TUBGCP3: variants seen among roughly 807,000 people sequenced by gnomAD.
TUBGCP3 encodes gamma-tubulin complex component 3.
Under a neutral mutation model 123.1 loss-of-function variants are expected in TUBGCP3, and 50 were observed. The ratio of observed to expected loss-of-function variants is 0.41; its 90% CI spans 0.32 to 0.51. The LOEUF is 0.51. Ranked by LOEUF, TUBGCP3 falls within the 20% of genes least tolerant of loss-of-function variation. The pLI is 0.36. For synonymous variants in TUBGCP3, 405 were observed against 413.9 expected, an observed-to-expected ratio of 0.98 and a Z score of 0.26; for missense variants, 882 against 1,127.0, an observed-to-expected ratio of 0.78 and a Z score of 3.11.
Position 112,558,347 on chromosome 13 carries a change from A to G in TUBGCP3, c.397T>C (p.Tyr133His), listed in dbSNP as rs1371443823. The G allele has an allele frequency of 4.3e-6, 7 of 1,612,124 alleles. No individual in the cohort carries two copies. Among genetic ancestry groups the G allele is most frequent in the Non-Finnish European group, 5.9e-6 (7 of 1,178,326 alleles). The change falls in exon 5 of 22, where the codon TAT (tyrosine) becomes CAT (histidine). Residue 133 changes from tyrosine (Y) to histidine (H), a missense_variant. Tyr to His is a moderately conservative substitution (Grantham distance 83). This residue lies in a region of TUBGCP3 where 713 missense variants were observed against 874.0 expected (regional missense o/e 0.82). Transcript: ENST00000261965. ...PRDAHSTPYY[Y>H]ARPQTLPLSY... ...AGGGGAAGGGTCTGAGGCCTGGCAT[A>G]GTAGTAAGGGGTTGAGTGGGCATCT...
chr13:112,600,780 C>T, the TUBGCP3 span, among the ~76,000 whole-genome samples: 14 of 152,250 alleles, frequency 9.2e-5, no homozygotes, highest in African/African-American at 2.9e-4. Context: ...GAATCATTTT[C>T]GCCTATATTC....
chr13:112,542,167 A>G (rs147865639), intron 11 of TUBGCP3, among the ~76,000 whole-genome samples: 1 of 152,348 alleles, frequency 6.6e-6, no homozygotes, highest in Non-Finnish European at 1.5e-5. Flanking sequence ...TTCTGAAAAT[A>G]AAACATTGAT....
intron 11 of TUBGCP3, among the ~76,000 whole-genome samples, chr13:112,533,037 G>C (rs950366707): frequency 1.3e-5 from 2 of 152,190 alleles, no homozygotes; most frequent in African/African-American, 4.8e-5. Context: ...GAGGCAGCTG[G>C]GCAGAGAGGC....
intron 8 of TUBGCP3, among the ~76,000 whole-genome samples, chr13:112,550,682 T>C (rs1221484609): frequency 3.3e-5 from 5 of 152,220 alleles, no homozygotes; most frequent in Non-Finnish European, 5.9e-5. Context: ...TTTTCTTAGG[T>C]AATATTTACA....
At chr13:112,598,724 C>G in the TUBGCP3 span, among the ~76,000 whole-genome samples, 2 of 151,970 alleles carry the variant, frequency 1.3e-5, no homozygotes, top group Admixed American at 6.6e-5. Context: ...GTGGGCGGAT[C>G]GTGAGGTCAG....
At chr13:112,525,935 T>C (rs988264897) in intron 13 of TUBGCP3, among the ~76,000 whole-genome samples, 1 of 152,206 alleles carries the variant, frequency 6.6e-6, no homozygotes, top group Admixed American at 6.5e-5. Flanking sequence ...ACTATATATA[T>C]ACATACATAA....
chr13:112,487,364 T>G (rs1879755249), intron 21 of TUBGCP3, among the ~76,000 whole-genome samples: 2 of 152,200 alleles, frequency 1.3e-5, no homozygotes, highest in Admixed American at 6.5e-5. Flanking sequence ...GAAAAGAATC[T>G]TCTTTGTAAA....
upstream of TUBGCP3, among the ~76,000 whole-genome samples, chr13:112,591,553 G>A (rs904838159): frequency 1.3e-5 from 2 of 152,312 alleles, no homozygotes; most frequent in African/African-American, 4.8e-5. Flanking sequence ...TAAATTACAG[G>A]ACAACACTCG....
chr13:112,489,458 C>T (rs1879926288), intron 21 of TUBGCP3, 123 bp downstream of exon 21: 1 of 762,490 alleles, frequency 1.3e-6, no homozygotes, highest in East Asian at 2.5e-5. Flanking sequence ...GTGCTACTCA[C>T]ACCTACACAA....
In TUBGCP3 at chr13:112,485,941, G is replaced by A. The variant is rs1879627129; in HGVS notation, c.*52C>T. ...TGCAGGACGTCAATGGGAATTTCGT[G>A]TCTAGCAGTGCAACGAACATCACCC... is the stretch of plus-strand genomic sequence containing the variant. On this transcript the variant is annotated 3_prime_UTR_variant, in exon 22 of 22. Transcript: ENST00000261965. 3 of 1,300,108 alleles carry A rather than the reference G, an allele frequency of 2.3e-6. No homozygotes were observed. Among genetic ancestry groups the A allele is most frequent in the Non-Finnish European group, 3.2e-6 (3 of 947,166 alleles). 80.5% of individuals were successfully genotyped at this position (1,300,108 alleles called of 1,614,324 possible). A position where few individuals can be genotyped will look rare whatever the true frequency, so the allele number is the denominator to read the frequency against.
rs1313354837 is a variant in TUBGCP3, at chr13:112,487,065, GTGTGTGTGTGTGTGTGTC to G, written c.2566-932_2566-915del. On this transcript the variant is annotated intron_variant, in intron 21 of 21. Transcript: ENST00000261965. ...GCAAACACTGTGTATGTGTGTGTGT[GTGTGTGTGTGTGTGTGTC>G]TGTGTGTGTGTGTGTGTGTATCACT... Among the ~76,000 whole-genome samples, 70 of 146,212 alleles carry G rather than the reference GTGTGTGTGTGTGTGTGTC, an allele frequency of 4.8e-4. 1 individual carries two copies. Among genetic ancestry groups the G allele is most frequent in the Non-Finnish European group, 4.9e-4 (32 of 64,934 alleles).
At chr13:112,516,722 G>A (rs1876165509) in intron 16 of TUBGCP3, 147 bp from the exon 17 acceptor site, 3 of 874,472 alleles carry the variant, frequency 3.4e-6, no homozygotes, top group Non-Finnish European at 5.1e-6. Flanking sequence ...CAGAAGGCAG[G>A]CATTTTTATG....
chr13:112,537,816 C>T (rs1016745607), intron 11 of TUBGCP3, among the ~76,000 whole-genome samples: 8 of 152,186 alleles, frequency 5.3e-5, no homozygotes, highest in Non-Finnish European at 8.8e-5. Flanking sequence ...ATCTCTTTAC[C>T]TGTTACAGGT....
chr13:112,591,897 A>G (rs1882889774), upstream of TUBGCP3, among the ~76,000 whole-genome samples: 1 of 152,222 alleles, frequency 6.6e-6, no homozygotes, highest in African/African-American at 2.4e-5. Flanking sequence ...CTTTGGGTCA[A>G]CTTAGTTCAC....
intron 3 of TUBGCP3, among the ~76,000 whole-genome samples, chr13:112,561,125 C>T (rs1211462820): frequency 1.3e-5 from 2 of 152,230 alleles, no homozygotes; most frequent in East Asian, 3.8e-4. Flanking sequence ...GGCACCATCA[C>T]TGCACAAGTG....
At chr13:112,581,330 T>C (rs1039888702) in intron 1 of TUBGCP3, among the ~76,000 whole-genome samples, 1 of 130,270 alleles carries the variant, frequency 7.7e-6, no homozygotes, top group Admixed American at 7.1e-5. Context: ...AGGGTCGGGG[T>C]AGTTTTTTTC....
chr13:112,561,177 T>G (rs1460945549), intron 3 of TUBGCP3, among the ~76,000 whole-genome samples: 1 of 152,204 alleles, frequency 6.6e-6, no homozygotes, highest in Non-Finnish European at 1.5e-5. Context: ...AAGACCGCTG[T>G]TATCTGGAGG....
Position 112,511,060 on chromosome 13 carries a change from A to G in TUBGCP3, c.2086+5380T>C, listed in dbSNP as rs915108460. Among the ~76,000 whole-genome samples, 2 of 152,364 alleles carry G rather than the reference A, an allele frequency of 1.3e-5. No individual in the cohort carries two copies. The highest frequency in any genetic ancestry group is 2.9e-5 in the Non-Finnish European group (2 of 68,028). On this transcript the variant is annotated intron_variant, in intron 17 of 21. Coordinates refer to ENST00000261965, the MANE Select transcript of TUBGCP3 (RefSeq NM_006322.6). The surrounding 1 kb of genome is among the most constrained non-coding windows in gnomAD (Gnocchi z 4.1). ...CAGATAGATACACAAAGAAATTTTT[A>G]AAGAGAAAAACTTCAACTCATCCTT...
intron 1 of TUBGCP3, among the ~76,000 whole-genome samples, chr13:112,585,628 C>CAGG (rs1195558510): frequency 6.6e-6 from 1 of 152,046 alleles, no homozygotes; most frequent in African/African-American, 2.4e-5. Flanking sequence ...AAAAATTAGC[C>CAGG]AGGAGTGCTG....
Sources: gnomAD v4.1 joint callset for allele counts (sites outside exome capture counted in the v4.1 genomes callset) on GRCh38, gnomAD v4.1.1 for gene constraint, gnomAD v4.1.1 regional missense constraint, Gnocchi (gnomAD v3.1) non-coding constraint, MANE v1.5 for transcripts, NCBI Gene and HGNC (gene_info 2026-07-23, HGNC 2026-07-21) for gene names.